The following COL19A1 variants were observed in gnomAD, a reference collection of about 807,000 sequenced individuals.
COL19A1 encodes the protein collagen alpha-1(XIX) chain.
Under a neutral mutation model 190.2 loss-of-function variants are expected in COL19A1, and 159 were observed. The ratio of observed to expected loss-of-function variants is 0.84; its 90% CI spans 0.73 to 0.95. The LOEUF (loss-of-function observed/expected upper bound fraction) is 0.95. COL19A1 is among the 40% of genes least tolerant of loss of function. The probability of loss-of-function intolerance (pLI) is 0.00; values close to 1 mark genes in which losing one functional copy is unlikely to be tolerated. For synonymous variants in COL19A1, 509 were observed against 458.9 expected (o/e 1.11, Z -1.39); for missense variants, 1,418 against 1,431.9 (o/e 0.99, Z 0.16).
At chr6:69,940,214 T>C (rs1773386067) in intron 9 of COL19A1, among the ~76,000 whole-genome samples, 1 of 152,152 alleles carries the variant, frequency 6.6e-6, no homozygotes. Context: ...GGATGCATTT[T>C]CCCCCTCGAT....
At position 69,929,523 on chromosome 6, in the gene COL19A1, C is replaced by A. The variant is rs1273708270; in HGVS notation, c.489C>A (p.Leu163=). 6.2e-7 allele frequency: 1 copy of A among 1,614,064 alleles called. No individual in the cohort carries two copies. Among genetic ancestry groups the A allele is most frequent in the Non-Finnish European group, 8.5e-7 (1 of 1,179,980 alleles). The change falls in exon 6 of 51, where the codon CTC becomes CTA. Residue 163 remains leucine (L), a synonymous_variant. Transcript: ENST00000620364. ...ACTACATTTTTAGAAATCGAGAACT[C>A]CGTCCTTTGTTTGATCGTCAGTGGC... is the stretch of plus-strand genomic sequence containing the variant. ...VLNYIFRNRE[L]RPLFDRQWHK...
intron 9 of COL19A1, among the ~76,000 whole-genome samples, chr6:69,944,743 A>G (rs1398802855): frequency 6.6e-6 from 1 of 151,900 alleles, no homozygotes; most frequent in Admixed American, 6.6e-5. Flanking sequence ...CTTTTTTTAT[A>G]AAGGTGATGG....
rs73478057 is a variant in COL19A1 at position 69,870,892 on chromosome 6, G to T, written c.-33+4252G>T. On this transcript the variant is annotated intron_variant, in intron 1 of 50. Transcript: ENST00000620364. ...TCAAAAGACGTTTACAAATAGATTTGATAGACTTTGACAGAGATTTGATAT... is the reference window on the plus strand; with the variant it reads ...TCAAAAGACGTTTACAAATAGATTTTATAGACTTTGACAGAGATTTGATAT... 9.2e-3 allele frequency among the ~76,000 whole-genome samples: 1,408 copies of T among 152,292 alleles called. 19 individuals carry two copies. Among genetic ancestry groups the T allele is most frequent in the African/African-American group, 0.03 (1,229 of 41,550 alleles).
chr6:70,206,294 T>C (rs555722023), intron 49 of COL19A1, among the ~76,000 whole-genome samples: 1 of 152,286 alleles, frequency 6.6e-6, no homozygotes, highest in East Asian at 1.9e-4. Context: ...ATTGATTTAT[T>C]TAGGTGTCAT....
At chr6:70,003,028 A>G (rs1777370741) in intron 11 of COL19A1, among the ~76,000 whole-genome samples, 1 of 152,138 alleles carries the variant, frequency 6.6e-6, no homozygotes, top group African/African-American at 2.4e-5. Context: ...TAGGTGTTAT[A>G]TAAATTTCCC....
At chr6:70,206,763 A>C in intron 49 of COL19A1, 138 bp from the exon 50 acceptor site, 4 of 666,408 alleles carry the variant, frequency 6.0e-6, no homozygotes, top group Non-Finnish European at 9.8e-6. Flanking sequence ...GGTTAATGCA[A>C]AACAGTTAGC....
intron 15 of COL19A1, among the ~76,000 whole-genome samples, chr6:70,093,188 T>C (rs1363732036): frequency 6.6e-6 from 1 of 152,054 alleles, no homozygotes; most frequent in Non-Finnish European, 1.5e-5. Flanking sequence ...AGGCAATGTA[T>C]ATAAAGGCCA....
chr6:70,047,434 A>G (rs1779972404), intron 14 of COL19A1, among the ~76,000 whole-genome samples: 1 of 152,104 alleles, frequency 6.6e-6, no homozygotes, highest in South Asian at 2.1e-4. Flanking sequence ...AATCTGATAA[A>G]TTATTCTGAA....
Position 70,184,916 on chromosome 6 carries a change from G to A in COL19A1, c.2856+1G>A. 1.2e-6 allele frequency: 2 copies of A among 1,611,828 alleles called. No homozygotes were observed. Among genetic ancestry groups the A allele is most frequent in the South Asian group, 2.2e-5 (2 of 90,850 alleles). On this transcript the variant is annotated splice_donor_variant, in intron 46 of 50. Coordinates refer to ENST00000620364, the MANE Select transcript of COL19A1 (RefSeq NM_001858.6). LOFTEE classifies it high-confidence loss of function. ...AGACAGAGGCCCCAAAGGAGAACGT[G>A]TATGTATATTACTATTGTGATTGTT...
At chr6:70,052,620 A>G (rs1411797226) in intron 14 of COL19A1, among the ~76,000 whole-genome samples, 6 of 152,258 alleles carry the variant, frequency 3.9e-5, no homozygotes, top group East Asian at 3.9e-4. Flanking sequence ...TTTCACAGCC[A>G]CTTCTTAGTT....
chr6:70,169,164 A>C (rs1765350278), intron 40 of COL19A1, among the ~76,000 whole-genome samples: 1 of 152,210 alleles, frequency 6.6e-6, no homozygotes. Context: ...TATTAGGAGG[A>C]ATGTATCAGG....
At chr6:70,169,272 G>A (rs191897791) in intron 40 of COL19A1, among the ~76,000 whole-genome samples, 3 of 152,156 alleles carry the variant, frequency 2.0e-5, no homozygotes, top group Non-Finnish European at 4.4e-5. Context: ...CTCTGTAAAA[G>A]TTCTGCCAAA....
intron 17 of COL19A1, among the ~76,000 whole-genome samples, chr6:70,127,166 G>A (rs1388490876): frequency 6.6e-6 from 1 of 152,196 alleles, no homozygotes; most frequent in East Asian, 1.9e-4. Flanking sequence ...ACCTTGGTCA[G>A]TTTAGGGAGC....
Position 69,878,189 on chromosome 6 carries a change from A to G in COL19A1, c.-32-1347A>G, listed in dbSNP as rs1221121866. Among the ~76,000 whole-genome samples the G allele has an allele frequency of 2.0e-5, 3 of 150,384 alleles. No individual in the cohort carries two copies. The South Asian group carries it at 6.3e-4, about 31-fold the overall frequency. ...TCTGACACCCATTAGGATAGTAATT[A>G]TATATATATATATTTATTTCTTTTA... On this transcript the variant is annotated intron_variant, in intron 1 of 50. Transcript: ENST00000620364.
chr6:70,121,758 G>T (rs754355053), intron 16 of COL19A1, 122 bp from the exon 17 acceptor site: 1 of 628,906 alleles, frequency 1.6e-6, no homozygotes, highest in South Asian at 2.1e-5. Context: ...CAGAATATTT[G>T]ACTAAATAGA....
intron 11 of COL19A1, among the ~76,000 whole-genome samples, chr6:70,016,398 AAAAAC>A (rs1211013523): frequency 5.4e-5 from 7 of 130,414 alleles, no homozygotes; most frequent in East Asian, 2.2e-4. Flanking sequence ...ATGAAAAAAA[AAAAAC>A]AAAACAAAAC....
At position 69,998,212 on chromosome 6, in the gene COL19A1, A is replaced by G. The variant is rs79454414; in HGVS notation, c.1027-25415A>G. Among the ~76,000 whole-genome samples the G allele has an allele frequency of 8.8e-3, 1,334 of 152,350 alleles. 19 individuals carry two copies. The highest frequency in any genetic ancestry group is 0.03 in the African/African-American group (1,245 of 41,586). The stretch of plus-strand genomic sequence containing the variant: ...CTTGCTAGCATAAATGAACTATAAG[A>G]GTTGCTAAAGAAGTCCCACATGCAA... On this transcript the variant is annotated intron_variant, in intron 11 of 50. Transcript: ENST00000620364.
In COL19A1 at chr6:70,165,961, G is replaced by C. The variant is rs757374983; in HGVS notation, c.2421G>C (p.Gly807=). ...TGCAGGGCAGCGACGGACCCCCTGG[G>C]AAACCCGGACCACCTGGACCACCTG... ...KGEKGSDGPP[G]KPGPPGPPGI... is the part of the protein sequence containing the mutation. Residue 807 remains glycine (G), a synonymous_variant, in exon 37 of 51, where the codon GGG becomes GGC. Transcript: ENST00000620364. 1 of 1,613,888 alleles carries C rather than the reference G, an allele frequency of 6.2e-7. No homozygotes were observed. The highest frequency in any genetic ancestry group is 8.5e-7 in the Non-Finnish European group (1 of 1,179,920).
intron 11 of COL19A1, among the ~76,000 whole-genome samples, chr6:69,988,671 C>T (rs900355283): frequency 6.6e-6 from 1 of 152,050 alleles, no homozygotes; most frequent in Non-Finnish European, 1.5e-5. Context: ...CTGATAATAC[C>T]GTTGGAGATT....
Sources: gnomAD v4.1 joint callset for allele counts (sites outside exome capture counted in the v4.1 genomes callset) on GRCh38, gnomAD v4.1.1 for gene constraint, MANE v1.5 for transcripts, NCBI Gene and HGNC (gene_info 2026-07-23, HGNC 2026-07-21) for gene names.